MAGI1: variants seen among roughly 807,000 people sequenced by gnomAD.
MAGI1 encodes the protein membrane-associated guanylate kinase, WW and PDZ domain-containing protein 1.
MAGI1 carries 58 observed loss-of-function variants against 139.9 expected under a neutral mutation model. That is an observed-to-expected ratio of 0.41 (90% CI 0.34 to 0.52). MAGI1 has a LOEUF of 0.52. Ranked by LOEUF, MAGI1 falls within the 20% of genes least tolerant of loss-of-function variation. The pLI, the probability that MAGI1 is intolerant of heterozygous loss-of-function variation, is 0.12. For missense variants in MAGI1, 1,874 were observed against 1,901.6 expected (o/e 0.99, Z 0.27); for synonymous variants, 812 against 737.9 (o/e 1.10, Z -1.63).
intron 1 of MAGI1, among the ~76,000 whole-genome samples, chr3:65,661,870 C>A (rs1345653145): frequency 1.3e-5 from 2 of 150,406 alleles, no homozygotes; most frequent in Non-Finnish European, 3.0e-5. Flanking sequence ...GCCTCAGCCT[C>A]CCGAGTAGCT....
intron 1 of MAGI1, among the ~76,000 whole-genome samples, chr3:65,700,646 T>C (rs1315824268): frequency 1.3e-5 from 2 of 152,138 alleles, no homozygotes; most frequent in African/African-American, 4.8e-5. Context: ...TCTGATTTCA[T>C]CCTAATGTTG....
At chr3:65,886,402 A>T (rs1688966586) in intron 1 of MAGI1, among the ~76,000 whole-genome samples, 1 of 152,182 alleles carries the variant, frequency 6.6e-6, no homozygotes, top group South Asian at 2.1e-4. Flanking sequence ...CTTTTTAAAA[A>T]AATAATAAAG....
intron 1 of MAGI1, among the ~76,000 whole-genome samples, chr3:65,924,166 A>G (rs1285636160): frequency 2.0e-5 from 3 of 152,216 alleles, no homozygotes; most frequent in African/African-American, 7.2e-5. Flanking sequence ...TTTAAAAAGT[A>G]GCATTTTCCA....
chr3:65,571,616 G>C (rs532309643), intron 2 of MAGI1, among the ~76,000 whole-genome samples: 1 of 151,784 alleles, frequency 6.6e-6, no homozygotes, highest in South Asian at 2.1e-4. Flanking sequence ...ATTACACTTT[G>C]TTTTAGACAA....
At chr3:65,775,223 A>G (rs2038276758) in intron 1 of MAGI1, among the ~76,000 whole-genome samples, 1 of 152,052 alleles carries the variant, frequency 6.6e-6, no homozygotes, top group Non-Finnish European at 1.5e-5. Flanking sequence ...AGACAGATAG[A>G]TTCCTTGAGT....
Position 65,672,999 on chromosome 3 carries a change from C to T in MAGI1, c.314-50911G>A, listed in dbSNP as rs543384950. Among the ~76,000 whole-genome samples the T allele has an allele frequency of 1.7e-3, 257 of 152,068 alleles. 1 individual carries two copies. In the Middle Eastern group the frequency reaches 0.038, roughly 22 times the overall value. On this transcript the variant is annotated intron_variant, in intron 1 of 22. Coordinates refer to ENST00000402939, the MANE Select transcript of MAGI1 (RefSeq NM_001033057.2). ...AATGTATGTGTTATGACAGGTTCTG[C>T]GAAGGTGAGTATTAAAAAATATTTG... is the stretch of plus-strand genomic sequence containing the variant.
At chr3:65,482,428 A>G (rs1559595489) in intron 3 of MAGI1, among the ~76,000 whole-genome samples, 4 of 152,228 alleles carry the variant, frequency 2.6e-5, no homozygotes, top group African/African-American at 4.8e-5. Flanking sequence ...AGTGCTGCAC[A>G]TGGTAACTGA....
chr3:65,973,086 G>A (rs953750150), intron 1 of MAGI1, among the ~76,000 whole-genome samples: 1 of 152,030 alleles, frequency 6.6e-6, no homozygotes, highest in African/African-American at 2.4e-5. Flanking sequence ...GGAGTTGGAG[G>A]CTGCAGTGAG....
At chr3:65,768,316 G>T (rs184009128) in intron 1 of MAGI1, among the ~76,000 whole-genome samples, 1 of 152,078 alleles carries the variant, frequency 6.6e-6, no homozygotes, top group African/African-American at 2.4e-5. Flanking sequence ...AATACTCAGG[G>T]GGCTGAGGCA....
intron 1 of MAGI1, among the ~76,000 whole-genome samples, chr3:65,925,501 A>G (rs1048405666): frequency 2.0e-5 from 3 of 152,222 alleles, no homozygotes; most frequent in African/African-American, 7.2e-5. Flanking sequence ...AGAGAAAAAC[A>G]ACAGGAACTT....
intron 1 of MAGI1, among the ~76,000 whole-genome samples, chr3:65,913,834 G>C (rs1297032979): frequency 1.3e-5 from 2 of 152,172 alleles, no homozygotes; most frequent in African/African-American, 4.8e-5. Context: ...AATGTGAGTA[G>C]AGTACCATGG....
chr3:65,734,722 G>C (rs1051143068), intron 1 of MAGI1, among the ~76,000 whole-genome samples: 1 of 152,112 alleles, frequency 6.6e-6, no homozygotes, highest in Non-Finnish European at 1.5e-5. Context: ...GAAGGAAGCA[G>C]AGTTGTTAAA....
intron 1 of MAGI1, among the ~76,000 whole-genome samples, chr3:66,012,963 G>A (rs1267273047): frequency 6.6e-6 from 1 of 152,114 alleles, no homozygotes; most frequent in African/African-American, 2.4e-5. Flanking sequence ...AGCCAACTCT[G>A]AAGCCCACTC....
chr3:65,415,475 T>C (rs780600195), intron 12 of MAGI1, among the ~76,000 whole-genome samples: 35 of 152,308 alleles, frequency 2.3e-4, no homozygotes, highest in African/African-American at 7.2e-4. Flanking sequence ...TGGAGGCTCA[T>C]GGACACAGCC....
chr3:65,363,400 T>TA, intron 21 of MAGI1, 65 bp downstream of exon 21: 12 of 1,519,142 alleles, frequency 7.9e-6, no homozygotes, highest in Non-Finnish European at 1.1e-5. Context: ...ATTCTAACCA[T>TA]ATATGACAAG....
At chr3:65,810,437 G>T (rs2041153605) in intron 1 of MAGI1, among the ~76,000 whole-genome samples, 1 of 152,246 alleles carries the variant, frequency 6.6e-6, no homozygotes, top group African/African-American at 2.4e-5. Context: ...ACTGTTAAAT[G>T]AAACATGAGT....
intron 1 of MAGI1, among the ~76,000 whole-genome samples, chr3:65,937,991 T>A (rs2063144232): frequency 1.3e-5 from 2 of 152,134 alleles, no homozygotes; most frequent in African/African-American, 4.8e-5. Flanking sequence ...AGCAATACTC[T>A]ATTAGGAAAT....
chr3:65,701,755 C>G (rs779358973), intron 1 of MAGI1, among the ~76,000 whole-genome samples: 5 of 151,932 alleles, frequency 3.3e-5, no homozygotes, highest in Non-Finnish European at 7.4e-5. Context: ...TTTTTTCTTC[C>G]TTGATGCTCA....
At chr3:65,783,786 C>A (rs577191308) in intron 1 of MAGI1, among the ~76,000 whole-genome samples, 1 of 144,356 alleles carries the variant, frequency 6.9e-6, no homozygotes. Context: ...GTGTGAGCCA[C>A]CACACCCAGC....
Sources: gnomAD v4.1 joint callset for allele counts (sites outside exome capture counted in the v4.1 genomes callset) on GRCh38, gnomAD v4.1.1 for gene constraint, MANE v1.5 for transcripts, NCBI Gene and HGNC (gene_info 2026-07-23, HGNC 2026-07-21) for gene names.